TMEM74: variants seen among roughly 807,000 people sequenced by gnomAD.
TMEM74 encodes transmembrane protein 74.
TMEM74 carries 13 observed loss-of-function variants against 18.1 expected under a neutral mutation model. The observed-to-expected ratio is 0.72, with a 90% CI of 0.47 to 1.14. The LOEUF is 1.14. Ranked by LOEUF, TMEM74 falls within the 50% of genes most tolerant of loss-of-function variation. TMEM74 has a pLI of 0.00. For missense variants in TMEM74, 372 were observed against 375.9 expected (o/e 0.99, Z 0.09); for synonymous variants, 159 against 146.6 (o/e 1.08, Z -0.61).
chr8:108,693,591 T>C (rs1004367932), intron 1 of TMEM74, among the ~76,000 whole-genome samples: 1 of 152,228 alleles, frequency 6.6e-6, no homozygotes, highest in East Asian at 1.9e-4. Context: ...TCTACTGACA[T>C]CTAATTGTTG....
chr8:108,640,411 G>T (rs945314887), intron 2 of TMEM74, among the ~76,000 whole-genome samples: 1 of 151,900 alleles, frequency 6.6e-6, no homozygotes, highest in East Asian at 1.9e-4. Flanking sequence ...ACTGTGCCTG[G>T]CCTATAGTAA....
rs575078348 is a variant in TMEM74, at chr8:108,629,740, T to C, written n.265-20914A>G. On this transcript the variant is annotated intron_variant and non_coding_transcript_variant, in intron 2 of 3. Coordinates refer to the TMEM74 transcript ENST00000518838. ...TTTTATATCTGGTCAAACAAAGCTT[T>C]ATAAGCAAAGGAGAAATAAAATCCT... is the stretch of plus-strand genomic sequence containing the variant. 3.4e-3 allele frequency among the ~76,000 whole-genome samples: 510 copies of C among 152,026 alleles called. 1 individual carries two copies. Among genetic ancestry groups the C allele is most frequent in the Non-Finnish European group, 5.4e-3 (364 of 67,892 alleles).
chr8:108,784,016 C>A lies in TMEM74; in HGVS notation c.*165G>T. The A allele has an allele frequency of 1.7e-6, 1 of 573,950 alleles. No homozygotes were observed. The highest frequency in any genetic ancestry group is 3.0e-5 in the East Asian group (1 of 32,852). 35.6% of individuals were successfully genotyped at this position (573,950 alleles called of 1,614,324 possible). On this transcript the variant is annotated 3_prime_UTR_variant, in exon 2 of 2. Transcript: ENST00000297459. ...TTCTTATACATCTTACATGGCTTTT[C>A]TTCTAAATAGAAGACACATAGAGAA... is the stretch of plus-strand genomic sequence containing the variant.
At chr8:108,651,885 G>A (rs1425609611) in intron 2 of TMEM74, among the ~76,000 whole-genome samples, 2 of 151,688 alleles carry the variant, frequency 1.3e-5, no homozygotes, top group African/African-American at 4.8e-5. Flanking sequence ...GAGCTGGAGA[G>A]TACGTTGAGA....
At chr8:108,650,892 G>C (rs1812767884) in intron 2 of TMEM74, among the ~76,000 whole-genome samples, 1 of 151,894 alleles carries the variant, frequency 6.6e-6, no homozygotes, top group African/African-American at 2.4e-5. Context: ...TGTATTTTTA[G>C]TAGAGACAGG....
At chr8:108,700,157 G>GTGTGTGTGTGTT (rs1813321635) in intron 1 of TMEM74, among the ~76,000 whole-genome samples, 2 of 151,798 alleles carry the variant, frequency 1.3e-5, no homozygotes, top group Non-Finnish European at 2.9e-5. Flanking sequence ...GTGTGTGTGT[G>GTGTGTGTGTGTT]TGTGTGTGTG....
At chr8:108,628,275 G>GA (rs1007174338) in intron 2 of TMEM74, among the ~76,000 whole-genome samples, 4 of 151,830 alleles carry the variant, frequency 2.6e-5, no homozygotes, top group African/African-American at 9.7e-5. Context: ...TGAATGTATA[G>GA]AAAAAACATT....
chr8:108,737,864 T>C (rs2130643863), intron 1 of TMEM74, among the ~76,000 whole-genome samples: 1 of 152,348 alleles, frequency 6.6e-6, no homozygotes, highest in African/African-American at 2.4e-5. Flanking sequence ...TTTGGTACTC[T>C]CTACTTTATT....
At chr8:108,755,992 T>C (rs938623189) in intron 1 of TMEM74, among the ~76,000 whole-genome samples, 1 of 151,880 alleles carries the variant, frequency 6.6e-6, no homozygotes, top group East Asian at 1.9e-4. Context: ...ATTCCCAGAA[T>C]CAAGGAAGTA....
At chr8:108,710,670 C>G (rs1813465789) in intron 1 of TMEM74, among the ~76,000 whole-genome samples, 1 of 152,190 alleles carries the variant, frequency 6.6e-6, no homozygotes, top group Non-Finnish European at 1.5e-5. Context: ...GCTGGCTACT[C>G]CCACACACAG....
chr8:108,722,676 C>A (rs997356309), intron 1 of TMEM74, among the ~76,000 whole-genome samples: 1 of 152,118 alleles, frequency 6.6e-6, no homozygotes. Flanking sequence ...TGTATAGTAC[C>A]TGACACAATA....
At chr8:108,657,854 AAAAAAATATATATAT>A (rs1272428232) in intron 1 of TMEM74, among the ~76,000 whole-genome samples, 1 of 58,076 alleles carries the variant, frequency 1.7e-5, no homozygotes, top group Non-Finnish European at 3.0e-5. Flanking sequence ...AAAAAAAAAA[AAAAAAATATATATAT>A]ATATATATAT....
chr8:108,715,717 AC>A (rs911419834), intron 1 of TMEM74, among the ~76,000 whole-genome samples: 2 of 152,142 alleles, frequency 1.3e-5, no homozygotes, highest in African/African-American at 4.8e-5. Flanking sequence ...AATACAAAAA[AC>A]ATATACAGGC....
intron 1 of TMEM74, among the ~76,000 whole-genome samples, chr8:108,714,046 C>A (rs1033866737): frequency 6.6e-6 from 1 of 152,180 alleles, no homozygotes; most frequent in African/African-American, 2.4e-5. Context: ...CCTCCAGACC[C>A]CCAGCAGATT....
intron 1 of TMEM74, among the ~76,000 whole-genome samples, chr8:108,679,683 C>G (rs1813092781): frequency 1.3e-5 from 2 of 151,994 alleles, no homozygotes; most frequent in Non-Finnish European, 2.9e-5. Flanking sequence ...AAAATTTTCT[C>G]CCATTTTGTA....
chr8:108,785,643 G>T (rs900388748), intron 1 of TMEM74, among the ~76,000 whole-genome samples: 5 of 152,092 alleles, frequency 3.3e-5, no homozygotes, highest in Admixed American at 2.0e-4. Context: ...ATTAGCTTTG[G>T]AGCATCACCA....
intron 1 of TMEM74, among the ~76,000 whole-genome samples, chr8:108,678,240 A>G (rs1813073974): frequency 6.6e-6 from 1 of 152,228 alleles, no homozygotes; most frequent in Non-Finnish European, 1.5e-5. Context: ...TAACAAAAAT[A>G]ATGGATTCCA....
At chr8:108,759,830 C>A (rs751435339) in intron 1 of TMEM74, among the ~76,000 whole-genome samples, 1 of 152,044 alleles carries the variant, frequency 6.6e-6, no homozygotes. Flanking sequence ...GTAAGATAAA[C>A]GTGCTGGGTT....
At chr8:108,633,947 C>T (rs1370529496) in intron 2 of TMEM74, among the ~76,000 whole-genome samples, 1 of 152,000 alleles carries the variant, frequency 6.6e-6, no homozygotes, top group Non-Finnish European at 1.5e-5. Flanking sequence ...TTGGTTTCAA[C>T]AGGAAAATTA....
Sources: gnomAD v4.1 joint callset for allele counts (sites outside exome capture counted in the v4.1 genomes callset) on GRCh38, gnomAD v4.1.1 for gene constraint, MANE v1.5 for transcripts, NCBI Gene and HGNC (gene_info 2026-07-23, HGNC 2026-07-21) for gene names.